The following NXN variants were observed in gnomAD, a reference collection of about 807,000 sequenced individuals.
NXN encodes nucleoredoxin 1.
Under a neutral mutation model 48.6 loss-of-function variants are expected in NXN, and 16 were observed. The ratio of observed to expected loss-of-function variants is 0.33; its 90% CI spans 0.22 to 0.50. The LOEUF (loss-of-function observed/expected upper bound fraction) is 0.50. Ranked by LOEUF, NXN falls within the 20% of genes least tolerant of loss-of-function variation. The pLI is 0.98. For synonymous variants in NXN, 281 were observed against 269.6 expected, an observed-to-expected ratio of 1.04 and a Z score of -0.41; for missense variants, 492 against 605.5, an observed-to-expected ratio of 0.81 and a Z score of 1.97.
At chr17:823,126 C>T (rs1433725843) in intron 3 of NXN, among the ~76,000 whole-genome samples, 3 of 146,816 alleles carry the variant, frequency 2.0e-5, no homozygotes, top group Admixed American at 6.8e-5. Context: ...GGGCCAGGCA[C>T]GATGGTTCAT....
chr17:892,356 C>T (rs567649168), intron 1 of NXN, among the ~76,000 whole-genome samples: 13 of 152,338 alleles, frequency 8.5e-5, no homozygotes, highest in East Asian at 1.9e-4. Flanking sequence ...GAATTTAAGA[C>T]GGTGACAGTT....
chr17:959,609 C>T (rs2069213081), intron 1 of NXN, among the ~76,000 whole-genome samples: 1 of 151,822 alleles, frequency 6.6e-6, no homozygotes. Context: ...CCAGCCTGGC[C>T]AACATGGTGA....
intron 5 of NXN, among the ~76,000 whole-genome samples, chr17:817,724 C>A (rs1403221468): frequency 6.6e-6 from 1 of 150,786 alleles, no homozygotes; most frequent in South Asian, 2.1e-4. Context: ...CGCAGAACTT[C>A]TGGGTAAATC....
At chr17:937,620 C>A (rs1036392921) in intron 1 of NXN, among the ~76,000 whole-genome samples, 1 of 152,322 alleles carries the variant, frequency 6.6e-6, no homozygotes, top group Non-Finnish European at 1.5e-5. Flanking sequence ...GTCCCCCCAC[C>A]GCCCTCCCCA....
At chr17:944,536 G>C (rs1228895088) in intron 1 of NXN, among the ~76,000 whole-genome samples, 1 of 152,204 alleles carries the variant, frequency 6.6e-6, no homozygotes, top group Non-Finnish European at 1.5e-5. Flanking sequence ...GCAAATGTAA[G>C]GTAGATTCTG....
chr17:919,232 G>A lies in NXN; in HGVS notation c.360+60087C>T, dbSNP rs1432549940. Among the ~76,000 whole-genome samples the A allele has an allele frequency of 2.0e-5, 3 of 152,112 alleles. No individual in the cohort carries two copies. Among genetic ancestry groups the A allele is most frequent in the East Asian group, 1.9e-4 (1 of 5,156 alleles). On this transcript the variant is annotated intron_variant, in intron 1 of 7. Coordinates refer to ENST00000336868, the MANE Select transcript of NXN (RefSeq NM_022463.5). This position sits in a 1 kb window ranked among gnomAD's most constrained non-coding sequence, Gnocchi z 5.1. ...ACAAAAATCAGCCGGGCGTCATGGCGGGCACCTGTAGTCCCAGTTCCTTGG... is the reference window on the plus strand; with the variant it reads ...ACAAAAATCAGCCGGGCGTCATGGCAGGCACCTGTAGTCCCAGTTCCTTGG...
chr17:951,223 G>A (rs1246647865), intron 1 of NXN, among the ~76,000 whole-genome samples: 5 of 139,520 alleles, frequency 3.6e-5, no homozygotes, highest in South Asian at 2.5e-4. Flanking sequence ...GGTAGCGGGC[G>A]CCTGTAAGCC....
intron 5 of NXN, among the ~76,000 whole-genome samples, chr17:812,829 CAT>C (rs942038015): frequency 3.1e-5 from 4 of 127,360 alleles, no homozygotes; most frequent in East Asian, 2.4e-4. Context: ...TGCGAGTGTG[CAT>C]GTGTGAGTGT....
intron 1 of NXN, among the ~76,000 whole-genome samples, chr17:961,035 C>T (rs1455036000): frequency 6.7e-6 from 1 of 149,448 alleles, no homozygotes; most frequent in South Asian, 2.1e-4. Context: ...CTGCCTGCCT[C>T]GGCCTCCCAA....
chr17:967,260 C>T (rs2069317522), intron 1 of NXN, among the ~76,000 whole-genome samples: 1 of 152,222 alleles, frequency 6.6e-6, no homozygotes, highest in Non-Finnish European at 1.5e-5. Context: ...CCATGCCGGA[C>T]TCCTGCTGCT....
intron 1 of NXN, among the ~76,000 whole-genome samples, chr17:943,138 C>A (rs530869014): frequency 6.6e-6 from 1 of 152,178 alleles, no homozygotes; most frequent in African/African-American, 2.4e-5. Context: ...TTAAAATAAC[C>A]GTCGGTTTCT....
chr17:904,406 C>T (rs1481618991), intron 1 of NXN, among the ~76,000 whole-genome samples: 2 of 150,174 alleles, frequency 1.3e-5, no homozygotes, highest in African/African-American at 4.9e-5. Flanking sequence ...AAAACAAGAG[C>T]CTTTCCCAGT....
intron 5 of NXN, among the ~76,000 whole-genome samples, chr17:807,329 C>T (rs1911616249): frequency 6.6e-6 from 1 of 152,228 alleles, no homozygotes; most frequent in Non-Finnish European, 1.5e-5. Flanking sequence ...GCCCCTGCTG[C>T]TGTGACAGGC....
chr17:970,498 G>T (rs534580372), intron 1 of NXN, among the ~76,000 whole-genome samples: 2 of 151,070 alleles, frequency 1.3e-5, no homozygotes, highest in Non-Finnish European at 2.9e-5. Context: ...AGAGAGAAGA[G>T]GTTCTCGCTC....
chr17:979,264 CA>C (rs1437565967), intron 1 of NXN, 54 bp downstream of exon 1: 1 of 995,362 alleles, frequency 1.0e-6, no homozygotes, highest in African/African-American at 3.1e-5. Context: ...GGGGGGCGGG[CA>C]GGGGTAACGG....
chr17:849,342 G>A lies in NXN; in HGVS notation c.361-23264C>T, dbSNP rs1410148845. Among the ~76,000 whole-genome samples, 1 of 152,182 alleles carries A rather than the reference G, an allele frequency of 6.6e-6. No individual in the cohort carries two copies. Among genetic ancestry groups the A allele is most frequent in the Non-Finnish European group, 1.5e-5 (1 of 68,028 alleles). ...GAGGTCAGGAGTTAGAGACCACCCTGGCAAACAGGGTGAAATCTCATCTCT... is the reference window on the plus strand; with the variant it reads ...GAGGTCAGGAGTTAGAGACCACCCTAGCAAACAGGGTGAAATCTCATCTCT... On this transcript the variant is annotated intron_variant, in intron 1 of 7. Transcript: ENST00000336868. This position sits in a 1 kb window ranked among gnomAD's most constrained non-coding sequence, Gnocchi z 4.2.
chr17:838,583 G>A (rs1009194355), intron 1 of NXN, among the ~76,000 whole-genome samples: 11 of 152,172 alleles, frequency 7.2e-5, no homozygotes, highest in Non-Finnish European at 1.3e-4. Context: ...AAACCTTACA[G>A]TTTAGAAGTG....
At chr17:931,173 A>T (rs2068849276) in intron 1 of NXN, among the ~76,000 whole-genome samples, 2 of 151,842 alleles carry the variant, frequency 1.3e-5, no homozygotes, top group African/African-American at 2.4e-5. Flanking sequence ...TGTAGGCCCA[A>T]CGACACAGGA....
At chr17:858,385 T>C (rs908192511) in intron 1 of NXN, among the ~76,000 whole-genome samples, 3 of 152,014 alleles carry the variant, frequency 2.0e-5, no homozygotes, top group African/African-American at 7.2e-5. Flanking sequence ...ATAGCTGGTA[T>C]TGACATGAAA....
Sources: allele counts gnomAD v4.1 joint callset (sites outside exome capture counted in the v4.1 genomes callset), GRCh38; gene constraint gnomAD v4.1.1; non-coding constraint Gnocchi (gnomAD v3.1); transcripts MANE v1.5; gene names NCBI Gene and HGNC (gene_info 2026-07-23, HGNC 2026-07-21).